Variants in GCN1 observed in about 807,000 individuals in gnomAD.
The protein encoded by GCN1 is stalled ribosome sensor GCN1.
GCN1 carries 90 observed loss-of-function variants against 288.4 expected under a neutral mutation model. The ratio of observed to expected loss-of-function variants is 0.31; its 90% CI spans 0.26 to 0.37. GCN1 has a LOEUF of 0.37. GCN1 is among the 10% of genes least tolerant of loss of function. The probability of loss-of-function intolerance (pLI) is 1.00; values close to 1 mark genes in which losing one functional copy is unlikely to be tolerated. For synonymous variants in GCN1, 1,386 were observed against 1,420.2 expected (o/e 0.98, Z 0.54); for missense variants, 2,586 against 3,419.9 (o/e 0.76, Z 6.08).
intron 15 of GCN1, among the ~76,000 whole-genome samples, chr12:120,168,724 C>T (rs141686788): frequency 1.8e-4 from 27 of 151,834 alleles, no homozygotes; most frequent in African/African-American, 6.5e-4. Context: ...CCAATACCCA[C>T]CCCCCCAACT....
chr12:120,159,629 A>T (rs1877863779), intron 24 of GCN1, among the ~76,000 whole-genome samples, 196 bp downstream of exon 24: 1 of 152,222 alleles, frequency 6.6e-6, no homozygotes, highest in Non-Finnish European at 1.5e-5. Context: ...CACAGATGTG[A>T]AGTGGGAGAG....
At chr12:120,192,185 A>C (rs1879023731) in intron 1 of GCN1, among the ~76,000 whole-genome samples, 1 of 152,178 alleles carries the variant, frequency 6.6e-6, no homozygotes, top group Non-Finnish European at 1.5e-5. Context: ...ATTTGTCTAA[A>C]TCTCAGTACA....
chr12:120,170,315 G>C lies in GCN1; in HGVS notation c.1373C>G (p.Thr458Arg), dbSNP rs566170615. 1.7e-5 allele frequency: 28 copies of C among 1,613,914 alleles called. No homozygotes were observed. In the South Asian group the frequency reaches 3.1e-4, roughly 18 times the overall value. The change falls in exon 15 of 58, where the codon ACG becomes AGG. Residue 458 changes from threonine to arginine, a missense_variant. Coordinates refer to ENST00000300648, the MANE Select transcript of GCN1 (RefSeq NM_006836.2). ...CAGTAAGTCCAGGGCCTGCAACAGC[G>C]TGTCACCTGTGGAGAGAGGACAAGC... ...QCMLASYRGD[T>R]LLQALDLLPL...
At chr12:120,130,781 G>C in intron 55 of GCN1, 28 bp from the exon 56 acceptor site, 1 of 1,463,594 alleles carries the variant, frequency 6.8e-7, no homozygotes, top group Non-Finnish European at 9.6e-7. Flanking sequence ...CGCTAGACGG[G>C]AGGCCCCCCA....
At chr12:120,131,088 T>G in intron 55 of GCN1, 97 bp downstream of exon 55, 1 of 1,095,386 alleles carries the variant, frequency 9.1e-7, no homozygotes, top group Non-Finnish European at 1.4e-6. Context: ...GACCCAAGCT[T>G]CTTAAGCCCC....
At chr12:120,169,290 A>AAG (rs1878239199) in intron 15 of GCN1, among the ~76,000 whole-genome samples, 1 of 84,238 alleles carries the variant, frequency 1.2e-5, no homozygotes, top group Non-Finnish European at 2.1e-5. Flanking sequence ...AAAAAAAAAA[A>AAG]AAAAAGAAAA....
At chr12:120,150,892 A>C (rs541759135) in intron 34 of GCN1, among the ~76,000 whole-genome samples, 2 of 151,890 alleles carry the variant, frequency 1.3e-5, no homozygotes, top group African/African-American at 2.4e-5. Flanking sequence ...AGCCAAGATC[A>C]CGCCACTGCA....
chr12:120,187,148 A>C (rs1878846323), intron 2 of GCN1, among the ~76,000 whole-genome samples: 2 of 152,284 alleles, frequency 1.3e-5, no homozygotes, highest in African/African-American at 4.8e-5. Context: ...AAGTTGGGTG[A>C]AGTGGTAGAA....
At chr12:120,192,295 T>A (rs1214971708) in intron 1 of GCN1, among the ~76,000 whole-genome samples, 3 of 152,226 alleles carry the variant, frequency 2.0e-5, no homozygotes, top group African/African-American at 7.2e-5. Context: ...CCTCTACAGC[T>A]GGGGCACAGT....
chr12:120,194,075 A>G (rs1879092060), intron 1 of GCN1, among the ~76,000 whole-genome samples: 1 of 152,262 alleles, frequency 6.6e-6, no homozygotes, highest in Non-Finnish European at 1.5e-5. Context: ...CCTGGATCTG[A>G]TAACAACCAA....
chr12:120,134,402 G>T lies in GCN1; in HGVS notation c.7206C>A (p.Asp2402Glu), dbSNP rs774269450. The T allele has an allele frequency of 8.7e-6, 14 of 1,612,268 alleles. No individual in the cohort carries two copies. In the Middle Eastern group the frequency reaches 5.0e-4, roughly 57 times the overall value. Residue 2402 changes from aspartate to glutamate, a missense_variant, in exon 53 of 58, where the codon GAC becomes GAA. Around this residue, in one of 8 missense-constraint regions of GCN1, gnomAD observed 355 missense variants for 431.1 expected, o/e 0.82. Coordinates refer to ENST00000300648, the MANE Select transcript of GCN1 (RefSeq NM_006836.2). The surrounding 1 kb of genome is among the most constrained non-coding windows in gnomAD (Gnocchi z 5.0). ...IRAMEDPGVR[D>E]TMLQALRFVI... is the part of the protein sequence containing the mutation. ...CAAACCTCAGGGCCTGCAGCATGGT[G>T]TCCCTGCAGAAGCAATGCACCGCCT...
At chr12:120,168,376 G>A in intron 15 of GCN1, 76 bp from the exon 16 acceptor site, 2 of 885,378 alleles carry the variant, frequency 2.3e-6, no homozygotes, top group Non-Finnish European at 3.8e-6. Context: ...TCCTGAAGCT[G>A]CTGGGGTGGG....
chr12:120,151,514 C>A, intron 33 of GCN1, 123 bp from the exon 34 acceptor site: 1 of 971,716 alleles, frequency 1.0e-6, no homozygotes. Context: ...TCAGCCACTG[C>A]CTGCGGATGT....
chr12:120,152,598 C>T (rs1022178962), intron 33 of GCN1, among the ~76,000 whole-genome samples: 13 of 130,314 alleles, frequency 1.0e-4, no homozygotes, highest in African/African-American at 3.9e-4. Context: ...TTTATGAAGA[C>T]ACTCTAAGTG....
chr12:120,163,218 C>A lies in GCN1; in HGVS notation c.1890G>T (p.Val630=). The A allele has an allele frequency of 6.2e-7, 1 of 1,614,126 alleles. No individual in the cohort carries two copies. The highest frequency in any genetic ancestry group is 8.5e-7 in the Non-Finnish European group (1 of 1,179,992). The change falls in exon 19 of 58, where the codon GTG becomes GTT. Residue 630 remains valine, a synonymous_variant. Transcript: ENST00000300648. ...LEALVTDAGE[V]TEAGKAYVPP... Reference sequence around the variant, plus strand: ...GCACGTAGGCCTTGCCTGCCTCAGTCACCTCTCCAGCATCAGTCACCAAAG... The same window carrying A: ...GCACGTAGGCCTTGCCTGCCTCAGTAACCTCTCCAGCATCAGTCACCAAAG...
chr12:120,191,339 T>G (rs918155621), intron 1 of GCN1, among the ~76,000 whole-genome samples: 3 of 152,248 alleles, frequency 2.0e-5, no homozygotes, highest in Non-Finnish European at 4.4e-5. Context: ...TGCAGTCCCC[T>G]GCATAGGGAC....
chr12:120,193,827 T>C (rs1879083941), intron 1 of GCN1, among the ~76,000 whole-genome samples: 1 of 152,336 alleles, frequency 6.6e-6, no homozygotes, highest in East Asian at 1.9e-4. Flanking sequence ...AAATGTCTTT[T>C]TGAATGCTTA....
Position 120,152,499 on chromosome 12 carries a change from A to G in GCN1, c.4062+714T>C, listed in dbSNP as rs1877596085. On this transcript the variant is annotated intron_variant, in intron 33 of 57. Transcript: ENST00000300648. ...AGAAAAAGAAATTTATTTGCACTGTAGCTTAGAGGCTACATTAAAACGCAC... is the reference window on the plus strand; with the variant it reads ...AGAAAAAGAAATTTATTTGCACTGTGGCTTAGAGGCTACATTAAAACGCAC... Among the ~76,000 whole-genome samples, 3 of 135,124 alleles carry G rather than the reference A, an allele frequency of 2.2e-5. No homozygotes were observed. In the South Asian group the frequency reaches 6.9e-4, roughly 31 times the overall value. 88.6% of individuals were successfully genotyped at this position (135,124 alleles called of 152,430 possible). A position where few individuals can be genotyped will look rare whatever the true frequency, so the allele number is the denominator to read the frequency against.
At chr12:120,188,768 G>A (rs932692755) in intron 2 of GCN1, among the ~76,000 whole-genome samples, 1 of 150,150 alleles carries the variant, frequency 6.7e-6, no homozygotes, top group African/African-American at 2.5e-5. Flanking sequence ...AGAATGATAT[G>A]AACCCGGGAA....
Sources: allele counts gnomAD v4.1 joint callset (sites outside exome capture counted in the v4.1 genomes callset), GRCh38; gene constraint gnomAD v4.1.1; regional missense constraint gnomAD v4.1.1; non-coding constraint Gnocchi (gnomAD v3.1); transcripts MANE v1.5; gene names NCBI Gene and HGNC (gene_info 2026-07-23, HGNC 2026-07-21).